The following SLCO3A1 variants were observed in gnomAD, a reference collection of about 807,000 sequenced individuals.
SLCO3A1 encodes the protein solute carrier organic anion transporter family member 3A1, also known as PGE1 transporter.
A neutral mutation model predicts 63.1 loss-of-function variants in SLCO3A1; 27 were observed. The ratio of observed to expected loss-of-function variants is 0.43; its 90% CI spans 0.32 to 0.59. The LOEUF (loss-of-function observed/expected upper bound fraction) is 0.59, where lower values mean the gene tolerates loss of function less well. Among genes scored for constraint, SLCO3A1 ranks in the 20% least tolerant of loss-of-function variants. SLCO3A1 has a pLI of 0.09. For synonymous variants in SLCO3A1, 473 were observed against 409.9 expected, an observed-to-expected ratio of 1.15 and a Z score of -1.86; for missense variants, 773 against 945.8, an observed-to-expected ratio of 0.82 and a Z score of 2.40.
chr15:92,055,204 G>A lies in SLCO3A1; in HGVS notation c.647-39677G>A, dbSNP rs879321194. On this transcript the variant is annotated intron_variant, in intron 2 of 9. Coordinates refer to ENST00000318445, the MANE Select transcript of SLCO3A1 (RefSeq NM_013272.4). ...GATTTGCATTTCTCTAATCAGTGAT[G>A]TTGAGCTTTTTTTCATGTTTGTTGG... 8.5e-5 allele frequency among the ~76,000 whole-genome samples: 13 copies of A among 152,150 alleles called. 1 individual carries two copies. The highest frequency in any genetic ancestry group is 8.5e-4 in the Admixed American group (13 of 15,280).
chr15:91,905,938 G>A (rs539999958), intron 1 of SLCO3A1, among the ~76,000 whole-genome samples: 17 of 152,250 alleles, frequency 1.1e-4, no homozygotes, highest in African/African-American at 3.1e-4. Flanking sequence ...CCCCCAAGTC[G>A]GGCCACCTTG....
chr15:92,096,237 T>A (rs1213212070), intron 3 of SLCO3A1, among the ~76,000 whole-genome samples: 1 of 152,138 alleles, frequency 6.6e-6, no homozygotes, highest in East Asian at 1.9e-4. Context: ...GTGACACCCC[T>A]GAAGCAAACA....
intron 1 of SLCO3A1, among the ~76,000 whole-genome samples, chr15:91,898,921 A>G (rs1231069067): frequency 2.0e-5 from 3 of 152,160 alleles, no homozygotes; most frequent in Non-Finnish European, 4.4e-5. Context: ...CGTGGCTCCT[A>G]TCACCCAGTC....
intron 4 of SLCO3A1, among the ~76,000 whole-genome samples, chr15:92,120,049 ATT>A (rs1364206148): frequency 1.3e-4 from 20 of 152,152 alleles, no homozygotes; most frequent in Admixed American, 4.6e-4. Flanking sequence ...ACTTAAATAT[ATT>A]GATATTTATA....
intron 4 of SLCO3A1, among the ~76,000 whole-genome samples, chr15:92,117,622 C>T (rs764634259): frequency 6.6e-6 from 1 of 152,170 alleles, no homozygotes; most frequent in Non-Finnish European, 1.5e-5. Context: ...TATAACCCGA[C>T]GTGATCCATA....
intron 2 of SLCO3A1, among the ~76,000 whole-genome samples, chr15:92,091,359 G>T (rs1033001998): frequency 1.3e-5 from 2 of 152,192 alleles, no homozygotes; most frequent in African/African-American, 4.8e-5. Flanking sequence ...GCACCTGGAG[G>T]CGCTGGCCCT....
At chr15:91,999,626 A>G (rs72755638) in intron 2 of SLCO3A1, among the ~76,000 whole-genome samples, 5,760 of 152,104 alleles carry the variant, frequency 0.038, 166 homozygotes, top group Non-Finnish European at 0.052. Flanking sequence ...GGAAGTGAGG[A>G]TTTTCACACA....
rs558917919 is a variant in SLCO3A1 at position 91,956,723 on chromosome 15, C to T, written c.646+40265C>T. ...CTGTCCAGTCAACTTTTGTGCCCCT[C>T]CTTGTCCAAGCCCCCATGATCTCTG... On this transcript the variant is annotated intron_variant, in intron 2 of 9. Transcript: ENST00000318445. Among the ~76,000 whole-genome samples the T allele has an allele frequency of 3.3e-5, 5 of 150,666 alleles. No individual in the cohort carries two copies. In the East Asian group the frequency reaches 9.9e-4, roughly 30 times the overall value.
At chr15:92,170,902 C>T (rs375047992), downstream of SLCO3A1, 2 of 152,238 alleles carry the variant, frequency 1.3e-5, no homozygotes, top group Middle Eastern at 3.2e-3. Flanking sequence ...TCGGTCCCAC[C>T]CTTCCCAACT....
intron 2 of SLCO3A1, among the ~76,000 whole-genome samples, chr15:91,929,231 G>T (rs548562936): frequency 6.6e-6 from 1 of 152,268 alleles, no homozygotes; most frequent in Admixed American, 6.5e-5. Flanking sequence ...TGGATGGATT[G>T]GGAGTGGCAA....
At chr15:92,054,389 T>G (rs1288359922) in intron 2 of SLCO3A1, among the ~76,000 whole-genome samples, 2 of 152,226 alleles carry the variant, frequency 1.3e-5, no homozygotes, top group African/African-American at 4.8e-5. Context: ...AGTGAATCTT[T>G]AGTCAAGCAA....
intron 2 of SLCO3A1, among the ~76,000 whole-genome samples, chr15:92,052,545 C>G (rs1000254875): frequency 6.6e-6 from 1 of 152,116 alleles, no homozygotes; most frequent in East Asian, 1.9e-4. Context: ...GATTGGATAC[C>G]TTCAGTCACA....
chr15:91,901,178 A>G (rs1034343997), intron 1 of SLCO3A1, among the ~76,000 whole-genome samples: 5 of 152,070 alleles, frequency 3.3e-5, no homozygotes, highest in African/African-American at 1.2e-4. Context: ...GATTGCATGT[A>G]TGATATATGT....
chr15:92,016,270 A>ATAGAT (rs2046435458), intron 2 of SLCO3A1, among the ~76,000 whole-genome samples: 2 of 129,076 alleles, frequency 1.5e-5, no homozygotes, highest in Non-Finnish European at 3.4e-5. Flanking sequence ...AGATAGATAG[A>ATAGAT]TAGATAGATA....
chr15:91,926,607 A>ATGCGCGCG (rs1899038163), intron 2 of SLCO3A1, among the ~76,000 whole-genome samples: 1 of 135,582 alleles, frequency 7.4e-6, no homozygotes, highest in African/African-American at 3.0e-5. Flanking sequence ...GCGCGCGCGC[A>ATGCGCGCG]CGCCCATGCT....
At chr15:91,921,464 C>T (rs1898841733) in intron 2 of SLCO3A1, among the ~76,000 whole-genome samples, 1 of 152,194 alleles carries the variant, frequency 6.6e-6, no homozygotes, top group Non-Finnish European at 1.5e-5. Flanking sequence ...CAAGACTACA[C>T]TCCTGCCTCT....
chr15:92,066,246 A>G (rs2047149647), intron 2 of SLCO3A1, among the ~76,000 whole-genome samples: 1 of 152,272 alleles, frequency 6.6e-6, no homozygotes, highest in African/African-American at 2.4e-5. Context: ...CCAAGCACTC[A>G]TAGGATGCCC....
chr15:91,921,923 C>T (rs185591189), intron 2 of SLCO3A1, among the ~76,000 whole-genome samples: 258 of 151,764 alleles, frequency 1.7e-3, no homozygotes, highest in Non-Finnish European at 3.2e-3. Context: ...TTAGTAAAGA[C>T]AGGGTTTCGT....
At chr15:91,907,567 C>T (rs1277659969) in intron 1 of SLCO3A1, among the ~76,000 whole-genome samples, 6 of 151,930 alleles carry the variant, frequency 3.9e-5, no homozygotes, top group Admixed American at 6.6e-5. Flanking sequence ...CTCTGTCACC[C>T]AGGCTGGAGT....
Sources: allele counts gnomAD v4.1 joint callset (sites outside exome capture counted in the v4.1 genomes callset), GRCh38; gene constraint gnomAD v4.1.1; transcripts MANE v1.5; gene names NCBI Gene and HGNC (gene_info 2026-07-23, HGNC 2026-07-21).